Variants in IDO2 observed in about 807,000 individuals in gnomAD.
The protein encoded by IDO2 is indoleamine 2,3-dioxygenase-like 1 protein.
Under a neutral mutation model 45.1 loss-of-function variants are expected in IDO2, and 46 were observed. That is an observed-to-expected ratio of 1.02 (90% CI 0.80 to 1.30). The LOEUF (loss-of-function observed/expected upper bound fraction) is 1.30, where lower values mean the gene tolerates loss of function less well. Ranked by LOEUF, IDO2 falls within the 50% of genes most tolerant of loss-of-function variation. The pLI is 0.00. For missense variants in IDO2, 544 were observed against 491.8 expected, an observed-to-expected ratio of 1.11 and a Z score of -1.00; for synonymous variants, 218 against 184.9, an observed-to-expected ratio of 1.18 and a Z score of -1.45.
exon 11 of IDO2, chr8:40,015,570 A>C (rs1802375482): frequency 5.0e-6 from 8 of 1,613,344 alleles, no homozygotes; most frequent in Non-Finnish European, 5.9e-6. Flanking sequence ...CAGGGATAAG[A>C]CCTTGGAGTC....
intron 1 of IDO2, among the ~76,000 whole-genome samples, chr8:39,942,899 A>C (rs1807666884): frequency 6.6e-6 from 1 of 152,250 alleles, no homozygotes; most frequent in African/African-American, 2.4e-5. Context: ...GGATGAAAAA[A>C]ACCACATGAC....
chr8:39,987,909 G>C (rs1232349847), exon 7 of IDO2: 1 of 1,611,604 alleles, frequency 6.2e-7, no homozygotes. Flanking sequence ...GGGGGAGAGA[G>C]CCTGCATGGT....
At chr8:39,954,649 C>CTTTTT (rs542016899) in intron 2 of IDO2, among the ~76,000 whole-genome samples, 57 of 84,734 alleles carry the variant, frequency 6.7e-4, no homozygotes, top group African/African-American at 7.3e-4. Context: ...GTCTCTCTCT[C>CTTTTT]TTTTTTTTTT....
chr8:39,942,079 T>A (rs1274795779), intron 1 of IDO2, among the ~76,000 whole-genome samples: 1 of 152,056 alleles, frequency 6.6e-6, no homozygotes, highest in Non-Finnish European at 1.5e-5. Context: ...GCTGAGAGAA[T>A]GAGAGCTTGT....
intron 9 of IDO2, among the ~76,000 whole-genome samples, chr8:40,011,783 G>C (rs1368173902): frequency 6.6e-6 from 1 of 152,216 alleles, no homozygotes; most frequent in Non-Finnish European, 1.5e-5. Context: ...GGCTCAGAGA[G>C]GTTAATGAAC....
chr8:39,941,063 A>T (rs990882788), intron 1 of IDO2, among the ~76,000 whole-genome samples: 1 of 151,780 alleles, frequency 6.6e-6, no homozygotes, highest in African/African-American at 2.4e-5. Flanking sequence ...TCTTCTAAAA[A>T]ATACAAAAAT....
intron 3 of IDO2, among the ~76,000 whole-genome samples, chr8:39,965,907 GACTTCTA>G (rs1808077967): frequency 2.1e-4 from 2 of 9,554 alleles, no homozygotes; most frequent in South Asian, 7.9e-3. Flanking sequence ...GGACTTCTAT[GACTTCTA>G]TCTTCCATAA....
intron 8 of IDO2, among the ~76,000 whole-genome samples, chr8:39,992,109 G>C (rs751740789): frequency 1.1e-4 from 17 of 152,222 alleles, no homozygotes; most frequent in Non-Finnish European, 1.8e-4. Context: ...CATCCTGCGC[G>C]CTCCTCCACA....
Position 40,010,457 on chromosome 8 carries a change from T to C in IDO2, c.720-3108T>C, listed in dbSNP as rs542954792. On this transcript the variant is annotated intron_variant, in intron 9 of 10. Transcript: ENST00000502986. ...CAACACGGACACGTTTTGAAAAGAA[T>C]AACAATGTGATCTGCCTTCAGTTGC... Among the ~76,000 whole-genome samples the C allele has an allele frequency of 3.3e-5, 5 of 152,286 alleles. No individual in the cohort carries two copies. In the East Asian group the frequency reaches 9.7e-4, roughly 29 times the overall value.
intron 1 of IDO2, among the ~76,000 whole-genome samples, chr8:39,939,458 A>AAG (rs1807609146): frequency 6.7e-6 from 1 of 148,728 alleles, no homozygotes; most frequent in East Asian, 2.0e-4. Flanking sequence ...GAGACAGGAG[A>AAG]ATTTCTTGAA....
intron 1 of IDO2, among the ~76,000 whole-genome samples, chr8:39,947,244 G>A (rs1209641125): frequency 6.8e-6 from 1 of 146,558 alleles, no homozygotes; most frequent in East Asian, 2.1e-4. Context: ...AAAATGTAAA[G>A]TAGATATTCC....
At chr8:39,956,231 G>A (rs1343392962) in intron 2 of IDO2, among the ~76,000 whole-genome samples, 1 of 151,754 alleles carries the variant, frequency 6.6e-6, no homozygotes, top group Non-Finnish European at 1.5e-5. Context: ...GCTAATTTTT[G>A]TATCCTTTTT....
At chr8:39,939,655 AGAAGGATAGATGTCATGG>A (rs1807614355) in intron 1 of IDO2, among the ~76,000 whole-genome samples, 1 of 147,780 alleles carries the variant, frequency 6.8e-6, no homozygotes, top group Non-Finnish European at 1.5e-5. Context: ...AGTAAAATAA[AGAAGGATAGATGTCATGG>A]AAAATGTCAC....
At chr8:40,011,737 A>G (rs1802313281) in intron 9 of IDO2, among the ~76,000 whole-genome samples, 1 of 152,206 alleles carries the variant, frequency 6.6e-6, no homozygotes, top group African/African-American at 2.4e-5. Context: ...ATAATCCAAT[A>G]AGGGAGATAC....
intron 1 of IDO2, among the ~76,000 whole-genome samples, chr8:39,941,253 C>G (rs1212452001): frequency 7.1e-6 from 1 of 140,696 alleles, no homozygotes; most frequent in Non-Finnish European, 1.5e-5. Context: ...TCCTGAGTAA[C>G]TGGGACTACA....
intron 8 of IDO2, among the ~76,000 whole-genome samples, chr8:40,003,128 G>A (rs973758782): frequency 4.6e-5 from 7 of 151,868 alleles, no homozygotes; most frequent in African/African-American, 1.5e-4. Context: ...ATATCCCTTC[G>A]GGAGGCCAAG....
At chr8:39,973,044 T>A (rs1808203613) in intron 3 of IDO2, among the ~76,000 whole-genome samples, 1 of 152,172 alleles carries the variant, frequency 6.6e-6, no homozygotes, top group Admixed American at 6.6e-5. Context: ...GGTCTGGAAT[T>A]GAGCCCTGAC....
chr8:39,967,193 A>C (rs1808098742), intron 3 of IDO2, among the ~76,000 whole-genome samples: 1 of 152,204 alleles, frequency 6.6e-6, no homozygotes. Flanking sequence ...AAAGAGAAAT[A>C]CAGGTGATCC....
At chr8:40,000,372 T>C (rs1434648802) in intron 8 of IDO2, among the ~76,000 whole-genome samples, 1 of 151,402 alleles carries the variant, frequency 6.6e-6, no homozygotes. Flanking sequence ...ATCGTGCCAC[T>C]GCACTCCAGT....
Sources: gnomAD v4.1 joint callset for allele counts (sites outside exome capture counted in the v4.1 genomes callset) on GRCh38, gnomAD v4.1.1 for gene constraint, MANE v1.5 for transcripts, NCBI Gene and HGNC (gene_info 2026-07-23, HGNC 2026-07-21) for gene names.